FABP12: variants seen among roughly 807,000 people sequenced by gnomAD.
The protein encoded by FABP12 is fatty acid binding protein 12.
FABP12 carries 19 observed loss-of-function variants against 13.7 expected under a neutral mutation model. The ratio of observed to expected loss-of-function variants is 1.39; its 90% CI spans 0.97 to 2.04. The LOEUF is 2.04. Ranked by LOEUF, FABP12 falls within the 30% of genes most tolerant of loss-of-function variation. FABP12 has a pLI of 0.00. For missense variants in FABP12, 182 were observed against 164.2 expected (o/e 1.11, Z -0.59); for synonymous variants, 61 against 57.0 (o/e 1.07, Z -0.32).
At chr8:81,549,228 T>TAC (rs10577619) in intron 1 of FABP12, among the ~76,000 whole-genome samples, 6,292 of 149,730 alleles carry the variant, frequency 0.042, 401 homozygotes, top group African/African-American at 0.14. Context: ...CAGACACACA[T>TAC]ACACACACAC....
chr8:81,584,892 T>C (rs1472103259), intron 1 of FABP12, among the ~76,000 whole-genome samples: 1 of 152,212 alleles, frequency 6.6e-6, no homozygotes, highest in African/African-American at 2.4e-5. Context: ...ATTTCTCTGA[T>C]GGTTAGTGGT....
intron 1 of FABP12, among the ~76,000 whole-genome samples, chr8:81,545,605 C>T (rs1274977299): frequency 6.6e-6 from 1 of 152,106 alleles, no homozygotes; most frequent in African/African-American, 2.4e-5. Flanking sequence ...ATTTTATGTA[C>T]TTTTCTCCAA....
At chr8:81,566,113 C>T (rs1181324236) in intron 1 of FABP12, among the ~76,000 whole-genome samples, 1 of 151,848 alleles carries the variant, frequency 6.6e-6, no homozygotes, top group East Asian at 1.9e-4. Flanking sequence ...AAGATTGAAC[C>T]ATAAGGAAAT....
chr8:81,568,657 A>G (rs927467788), intron 1 of FABP12, among the ~76,000 whole-genome samples: 8 of 152,142 alleles, frequency 5.3e-5, no homozygotes, highest in Middle Eastern at 3.2e-3. Flanking sequence ...GGAAATCAGT[A>G]TATCAGACGT....
At chr8:81,541,808 C>G (rs965474821) in intron 1 of FABP12, among the ~76,000 whole-genome samples, 2 of 149,866 alleles carry the variant, frequency 1.3e-5, no homozygotes, top group East Asian at 2.0e-4. Context: ...CTTGTCAGAT[C>G]CGACCATGAC....
intron 1 of FABP12, among the ~76,000 whole-genome samples, chr8:81,565,572 G>A (rs1220656887): frequency 6.6e-6 from 1 of 152,022 alleles, no homozygotes; most frequent in East Asian, 1.9e-4. Flanking sequence ...GTTGTTGAAT[G>A]ACCAGTGGGT....
At chr8:81,570,235 G>A (rs1189785004) in intron 1 of FABP12, among the ~76,000 whole-genome samples, 1 of 152,228 alleles carries the variant, frequency 6.6e-6, no homozygotes, top group East Asian at 1.9e-4. Context: ...GAGCTCCCAG[G>A]TCTGGGATCC....
intron 1 of FABP12, among the ~76,000 whole-genome samples, chr8:81,532,614 A>G (rs1809102322): frequency 6.6e-6 from 1 of 152,200 alleles, no homozygotes. Flanking sequence ...TGAGGTCAGG[A>G]GTTCAAGATC....
chr8:81,567,269 A>G (rs1809840886), intron 1 of FABP12, among the ~76,000 whole-genome samples: 1 of 152,222 alleles, frequency 6.6e-6, no homozygotes, highest in African/African-American at 2.4e-5. Context: ...TACAGTCCCT[A>G]TCAAAATACC....
At chr8:81,549,862 T>C (rs1809497075) in intron 1 of FABP12, among the ~76,000 whole-genome samples, 1 of 152,246 alleles carries the variant, frequency 6.6e-6, no homozygotes, top group African/African-American at 2.4e-5. Flanking sequence ...CCTGCATTCC[T>C]AATTTCATTT....
At chr8:81,545,123 C>A (rs1328387208) in intron 1 of FABP12, among the ~76,000 whole-genome samples, 2 of 152,110 alleles carry the variant, frequency 1.3e-5, no homozygotes, top group African/African-American at 4.8e-5. Flanking sequence ...CGGGTTCAAG[C>A]GATTCTCCTG....
At chr8:81,566,735 C>G (rs1809829579) in intron 1 of FABP12, among the ~76,000 whole-genome samples, 1 of 152,052 alleles carries the variant, frequency 6.6e-6, no homozygotes, top group African/African-American at 2.4e-5. Flanking sequence ...AGCTTTTATT[C>G]TAAGATTTGG....
At chr8:81,586,731 T>C (rs536303021) in intron 1 of FABP12, among the ~76,000 whole-genome samples, 1 of 152,162 alleles carries the variant, frequency 6.6e-6, no homozygotes, top group South Asian at 2.1e-4. Flanking sequence ...AATATTTTTC[T>C]CATTCTGCAG....
At chr8:81,582,686 C>T (rs1810184725) in intron 1 of FABP12, among the ~76,000 whole-genome samples, 1 of 151,974 alleles carries the variant, frequency 6.6e-6, no homozygotes, top group Admixed American at 6.6e-5. Context: ...GCACCATGCA[C>T]TGAGGATCCA....
chr8:81,564,320 T>C (rs1420696627), intron 1 of FABP12, among the ~76,000 whole-genome samples: 2 of 151,994 alleles, frequency 1.3e-5, no homozygotes, highest in African/African-American at 4.8e-5. Flanking sequence ...TAGTGAGCAA[T>C]AAGAAATCAT....
At chr8:81,574,605 T>A (rs1809999700) in intron 1 of FABP12, among the ~76,000 whole-genome samples, 2 of 152,280 alleles carry the variant, frequency 1.3e-5, no homozygotes, top group South Asian at 2.1e-4. Flanking sequence ...GGTAATTTTT[T>A]AATTACCATT....
chr8:81,569,811 T>C (rs1289427991), intron 1 of FABP12, among the ~76,000 whole-genome samples: 2 of 152,230 alleles, frequency 1.3e-5, no homozygotes, highest in Non-Finnish European at 2.9e-5. Flanking sequence ...TTAATATTAT[T>C]GTTACGGGAT....
intron 1 of FABP12, among the ~76,000 whole-genome samples, chr8:81,563,057 G>A (rs182220917): frequency 2.6e-5 from 4 of 152,198 alleles, no homozygotes; most frequent in African/African-American, 9.7e-5. Context: ...CACCCCTCCC[G>A]CAGCTCCAGG....
exon 3 of FABP12, chr8:81,529,509 T>C (rs886303040): frequency 1.9e-6 from 3 of 1,613,892 alleles, no homozygotes; most frequent in Non-Finnish European, 2.5e-6. Context: ...TCATTATTTT[T>C]AAAGATGCTT....
Sources: allele counts gnomAD v4.1 joint callset (sites outside exome capture counted in the v4.1 genomes callset), GRCh38; gene constraint gnomAD v4.1.1; transcripts MANE v1.5; gene names NCBI Gene and HGNC (gene_info 2026-07-23, HGNC 2026-07-21).